SYNM: variants seen among roughly 807,000 people sequenced by gnomAD.
The protein encoded by SYNM is synemin, also known as desmuslin.
In SYNM, 95 loss-of-function variants were observed where a neutral mutation model predicts 104.0. That is an observed-to-expected ratio of 0.91 (90% CI 0.77 to 1.08). The LOEUF (loss-of-function observed/expected upper bound fraction) is 1.08. SYNM is among the 50% of genes least tolerant of loss of function. The pLI is 0.00. For synonymous variants in SYNM, 918 were observed against 869.0 expected (o/e 1.06, Z -0.99); for missense variants, 2,150 against 2,052.2 (o/e 1.05, Z -0.92).
intron 1 of SYNM, among the ~76,000 whole-genome samples, chr15:99,113,164 C>A (rs782645438): frequency 6.6e-6 from 1 of 152,168 alleles, no homozygotes. Flanking sequence ...TTGGGGAGTA[C>A]ATTTCAGTTC....
rs1470552045 is a variant in SYNM at position 99,133,460 on chromosome 15, T to C, written c.*402T>C. The C allele has an allele frequency of 1.7e-5, 3 of 173,564 alleles. No individual in the cohort carries two copies. The highest frequency in any genetic ancestry group is 3.0e-4 in the East Asian group (2 of 6,560). The allele number at this position is 173,564 out of a possible 1,614,324, so 10.8% of individuals were successfully genotyped here. ...AAGAGTAAATTTTGCTTGCATGTGC[T>C]AATATGAAATAACAGACTAACATTT... On this transcript the variant is annotated 3_prime_UTR_variant, in exon 4 of 4. Coordinates refer to ENST00000336292, the MANE Select transcript of SYNM (RefSeq NM_145728.3).
At position 99,132,531 on chromosome 15, in the gene SYNM, G is replaced by T. The variant is rs1215578195; in HGVS notation, c.4171G>T (p.Ala1391Ser). Reference protein sequence around the residue: ...QEDSAEDTSGAEMTSGVSRSF... With the variant: ...QEDSAEDTSGSEMTSGVSRSF... ...GGATAGTGCAGAGGACACATCAGGGGCAGAAATGACATCGGGTGTTAGCAG... is the reference window on the plus strand; with the variant it reads ...GGATAGTGCAGAGGACACATCAGGGTCAGAAATGACATCGGGTGTTAGCAG... Residue 1391 changes from alanine (A) to serine (S), a missense_variant, in exon 4 of 4, where the codon GCA becomes TCA. Transcript: ENST00000336292. 3.7e-6 allele frequency: 6 copies of T among 1,613,916 alleles called. No individual in the cohort carries two copies. In the African/African-American group the frequency reaches 4.0e-5, roughly 11 times the overall value.
At chr15:99,124,013 A>G (rs1555484814) in intron 2 of SYNM, among the ~76,000 whole-genome samples, 5 of 152,238 alleles carry the variant, frequency 3.3e-5, no homozygotes, top group Non-Finnish European at 4.4e-5. Context: ...TAATGAGGCC[A>G]GGGACTTGAG....
In SYNM at chr15:99,134,050, C is replaced by G. The variant is rs1239949939; in HGVS notation, c.*992C>G. The G allele has an allele frequency of 3.9e-5, 6 of 152,112 alleles. No homozygotes were observed. Among genetic ancestry groups the G allele is most frequent in the Admixed American group, 3.9e-4 (6 of 15,278 alleles). 9.4% of individuals were successfully genotyped at this position (152,112 alleles called of 1,614,324 possible). ...CAGTGGACTGTGCCTCTTAAAGATG[C>G]CTTTCCCAACCCTCCATTCATGGGA... On this transcript the variant is annotated 3_prime_UTR_variant, in exon 4 of 4. Transcript: ENST00000336292.
chr15:99,139,280 G>T, downstream of SYNM: 1 of 1,587,310 alleles, frequency 6.3e-7, no homozygotes, highest in Non-Finnish European at 8.5e-7. Flanking sequence ...AATGGAAAGG[G>T]AATGAGATAG....
chr15:99,138,625 T>TA (rs782018263), downstream of SYNM, among the ~76,000 whole-genome samples: 28 of 152,222 alleles, frequency 1.8e-4, no homozygotes, highest in Non-Finnish European at 5.9e-5. Flanking sequence ...TCCCATCTTT[T>TA]AAAATCACCT....
the SYNM span, among the ~76,000 whole-genome samples, chr15:99,141,668 C>T: frequency 6.6e-6 from 1 of 152,130 alleles, no homozygotes; most frequent in Non-Finnish European, 1.5e-5. Context: ...TCTGATCTGC[C>T]AACCATTTTT....
intron 1 of SYNM, among the ~76,000 whole-genome samples, chr15:99,111,586 A>G (rs1320569261): frequency 6.6e-6 from 1 of 152,234 alleles, no homozygotes; most frequent in Non-Finnish European, 1.5e-5. Context: ...ACCCTGGGAC[A>G]TAAGCCAGTG....
intron 1 of SYNM, among the ~76,000 whole-genome samples, chr15:99,112,018 C>A (rs1410995181): frequency 6.6e-6 from 1 of 152,232 alleles, no homozygotes; most frequent in East Asian, 1.9e-4. Flanking sequence ...CATTGCACTC[C>A]AGCCTCGGTG....
In SYNM at chr15:99,132,764, C is replaced by T. The variant is rs782155582; in HGVS notation, c.4404C>T (p.Asn1468=). The change falls in exon 4 of 4, where the codon AAC becomes AAT. Residue 1468 remains asparagine (N), a synonymous_variant. Transcript: ENST00000336292. ...TTACCTTTCAGATGGATGTGAGTAA[C>T]GTAGAGGCGATCCGCAGCCGGACAC... ...TSFTFQMDVS[N]VEAIRSRTQE... 1.2e-5 allele frequency: 19 copies of T among 1,613,734 alleles called. No individual in the cohort carries two copies. In the East Asian group the frequency reaches 1.3e-4, roughly 11 times the overall value.
intron 2 of SYNM, among the ~76,000 whole-genome samples, chr15:99,120,630 G>T (rs139433840): frequency 6.6e-6 from 1 of 152,332 alleles, no homozygotes; most frequent in Non-Finnish European, 1.5e-5. Flanking sequence ...TTCACGTCAA[G>T]GAACATGGGC....
At chr15:99,110,028 T>C (rs2067287261) in intron 1 of SYNM, among the ~76,000 whole-genome samples, 1 of 152,134 alleles carries the variant, frequency 6.6e-6, no homozygotes, top group African/African-American at 2.4e-5. Flanking sequence ...TCAGAGATTG[T>C]TGCAGTAACC....
downstream of SYNM, chr15:99,139,284 GA>G: frequency 1.2e-6 from 2 of 1,605,514 alleles, no homozygotes; most frequent in African/African-American, 1.3e-5. Flanking sequence ...GAAAGGGAAT[GA>G]GATAGAGAAA....
At position 99,133,945 on chromosome 15, in the gene SYNM, G is replaced by A. The variant is rs2151812435; in HGVS notation, c.*887G>A. 1 of 152,328 alleles carries A rather than the reference G, an allele frequency of 6.6e-6. No homozygotes were observed. The highest frequency in any genetic ancestry group is 2.1e-4 in the South Asian group (1 of 4,824). 9.4% of individuals were successfully genotyped at this position (152,328 alleles called of 1,614,324 possible). On this transcript the variant is annotated 3_prime_UTR_variant, in exon 4 of 4. Coordinates refer to ENST00000336292, the MANE Select transcript of SYNM (RefSeq NM_145728.3). ...ATTTCACTGGTGGGAGGTAGACCTT[G>A]AAGACAATGAAGAGAATGCCGATAC... is the stretch of plus-strand genomic sequence containing the variant.
chr15:99,105,874 A>G lies in SYNM; in HGVS notation c.675A>G (p.Glu225=), dbSNP rs1363749204. The G allele has an allele frequency of 1.4e-5, 21 of 1,539,178 alleles. No individual in the cohort carries two copies. Among genetic ancestry groups the G allele is most frequent in the Non-Finnish European group, 1.8e-5 (21 of 1,145,714 alleles). ...RGQESRLQAE[E]ETRLCAQEAE... ...AGGAGAGCAGACTCCAGGCGGAGGA[A>G]GAGACGCGGCTGTGCGCGCAGGAGG... is the stretch of plus-strand genomic sequence containing the variant. Residue 225 remains glutamate, a synonymous_variant, in exon 1 of 4, where the codon GAA becomes GAG. Coordinates refer to ENST00000336292, the MANE Select transcript of SYNM (RefSeq NM_145728.3).
At chr15:99,126,990 G>T (rs1223188825) in intron 3 of SYNM, among the ~76,000 whole-genome samples, 198 bp downstream of exon 3, 1 of 152,204 alleles carries the variant, frequency 6.6e-6, no homozygotes, top group Non-Finnish European at 1.5e-5. Context: ...GAATGTTTGG[G>T]AAGGTGCTTG....
Position 99,131,611 on chromosome 15 carries a change from G to A in SYNM, c.3251G>A (p.Gly1084Asp), listed in dbSNP as rs781880460. 22 of 1,610,438 alleles carry A rather than the reference G, an allele frequency of 1.4e-5. No homozygotes were observed. The highest frequency in any genetic ancestry group is 1.9e-5 in the Non-Finnish European group (22 of 1,179,730). The change falls in exon 4 of 4, where the codon GGT becomes GAT. Residue 1084 changes from glycine to aspartate, a missense_variant. Physicochemically the swap from Gly to Asp is moderately conservative, Grantham distance 94. Coordinates refer to ENST00000336292, the MANE Select transcript of SYNM (RefSeq NM_145728.3). The surrounding 1 kb of genome is among the most constrained non-coding windows in gnomAD (Gnocchi z 4.3). ...CCTTCAGGCGAGAGCGAGGTTGCTG[G>A]TGGGGCCTCTCACAGCTCGGGACAG... ...YIPSGESEVA[G>D]GASHSSGQRT... is the part of the protein sequence containing the mutation.
At position 99,113,795 on chromosome 15, in the gene SYNM, G is replaced by A. The variant is rs552649366; in HGVS notation, c.935+80G>A. ...CATGAAGGAAACTGGTCTAGGGACC[G>A]TAGCCTTTGTGGAGTCACTGTGGCT... On this transcript the variant is annotated intron_variant, in intron 2 of 3. Coordinates refer to ENST00000336292, the MANE Select transcript of SYNM (RefSeq NM_145728.3). 1.0e-3 allele frequency: 1,580 copies of A among 1,546,964 alleles called. 24 individuals are homozygous for A. Among genetic ancestry groups the A allele is most frequent in the South Asian group, 5.0e-3 (405 of 81,018 alleles).
chr15:99,113,326 A>G (rs914837163), intron 1 of SYNM, among the ~76,000 whole-genome samples: 10 of 152,234 alleles, frequency 6.6e-5, no homozygotes, highest in African/African-American at 2.4e-4. Flanking sequence ...TAAACTCCTA[A>G]GCATTCATTA....
Sources: allele counts gnomAD v4.1 joint callset (sites outside exome capture counted in the v4.1 genomes callset), GRCh38; gene constraint gnomAD v4.1.1; non-coding constraint Gnocchi (gnomAD v3.1); transcripts MANE v1.5; gene names NCBI Gene and HGNC (gene_info 2026-07-23, HGNC 2026-07-21).